ZNF227: variants seen among roughly 807,000 people sequenced by gnomAD.
ZNF227 encodes the protein zinc finger protein 227.
In ZNF227, 12 loss-of-function variants were observed where a neutral mutation model predicts 13.2. The observed-to-expected ratio is 0.91, with a 90% CI of 0.58 to 1.47. The LOEUF is 1.47. Among genes scored for constraint, ZNF227 ranks in the 40% most tolerant of loss-of-function variants. The pLI is 0.00. For synonymous variants in ZNF227, 338 were observed against 326.0 expected (o/e 1.04, Z -0.40); for missense variants, 885 against 967.5 (o/e 0.91, Z 1.13).
At chr19:44,226,889 C>T (rs773942881) in intron 3 of ZNF227, among the ~76,000 whole-genome samples, 25 of 152,248 alleles carry the variant, frequency 1.6e-4, no homozygotes, top group East Asian at 5.8e-4. Flanking sequence ...AGCTGTAGAC[C>T]GGAGCTGTTC....
At position 44,229,732 on chromosome 19, in the gene ZNF227, G is replaced by T; in HGVS notation, c.188-1G>T. On this transcript the variant is annotated splice_acceptor_variant, in intron 4 of 5. Coordinates refer to ENST00000313040, the MANE Select transcript of ZNF227 (RefSeq NM_182490.3). LOFTEE classifies it high-confidence loss of function. Reference sequence around the variant, plus strand: ...ATACATAAAAATCTACATTTTCATAGGGCATCTTCCCTTCCAACCAGATAT... The same window carrying T: ...ATACATAAAAATCTACATTTTCATATGGCATCTTCCCTTCCAACCAGATAT... The T allele has an allele frequency of 6.4e-7, 1 of 1,562,542 alleles. No individual in the cohort carries two copies. The highest frequency in any genetic ancestry group is 1.2e-5 in the South Asian group (1 of 83,438).
rs1301913408 is a variant in ZNF227, at chr19:44,213,226, T to C, written c.-21T>C. 6.6e-6 allele frequency: 1 copy of C among 152,208 alleles called. No homozygotes were observed. The highest frequency in any genetic ancestry group is 1.5e-5 in the Non-Finnish European group (1 of 68,038). 9.4% of individuals were successfully genotyped at this position (152,208 alleles called of 1,614,324 possible). A position where few individuals can be genotyped will look rare whatever the true frequency, so the allele number is the denominator to read the frequency against. On this transcript the variant is annotated 5_prime_UTR_variant, in exon 2 of 6. Transcript: ENST00000313040. ...AGGAGGAAGGAGGGACTTCTTGGCT[T>C]CTCCCAGCATAGCCCCAGGTACCTG...
Position 44,236,762 on chromosome 19 carries a change from G to A in ZNF227, c.2332G>A (p.Asp778Asn), listed in dbSNP as rs1356708656. The stretch of plus-strand genomic sequence containing the variant: ...AAAACCATACAAATGTGACATATGT[G>A]ATAAGGACTTCCGTCACCGTTCACG... ...GEKPYKCDIC[D>N]KDFRHRSRLT... The change falls in exon 6 of 6, where the codon GAT becomes AAT. Residue 778 changes from aspartate (D) to asparagine (N), a missense_variant. By Grantham distance (23) the Asp-to-Asn change is conservative. Coordinates refer to ENST00000313040, the MANE Select transcript of ZNF227 (RefSeq NM_182490.3). 6.2e-7 allele frequency: 1 copy of A among 1,613,176 alleles called. No homozygotes were observed. Among genetic ancestry groups the A allele is most frequent in the East Asian group, 2.2e-5 (1 of 44,876 alleles).
chr19:44,213,908 A>G (rs1971577006), intron 2 of ZNF227, among the ~76,000 whole-genome samples: 1 of 152,212 alleles, frequency 6.6e-6, no homozygotes, highest in Admixed American at 6.5e-5. Context: ...CATTATAGAG[A>G]TGCACTATCC....
In ZNF227 at chr19:44,217,822, G is replaced by A. The variant is rs1972054039; in HGVS notation, c.30G>A (p.Gln10=). 3.7e-6 allele frequency: 6 copies of A among 1,614,076 alleles called. No individual in the cohort carries two copies. Among genetic ancestry groups the A allele is most frequent in the Non-Finnish European group, 5.1e-6 (6 of 1,180,042 alleles). The stretch of plus-strand genomic sequence containing the variant: ...CATCTCAGAACTATGACCTTCCCCA[G>A]AAGAAGCAGGAGAAAATGACCAAGT... MPSQNYDLP[Q]KKQEKMTKFQ... is the part of the protein sequence containing the mutation. The change falls in exon 3 of 6, where the codon CAG becomes CAA. Residue 10 remains glutamine, a synonymous_variant. Coordinates refer to ENST00000313040, the MANE Select transcript of ZNF227 (RefSeq NM_182490.3).
At chr19:44,215,374 T>C (rs973600447) in intron 2 of ZNF227, among the ~76,000 whole-genome samples, 2 of 151,818 alleles carry the variant, frequency 1.3e-5, no homozygotes, top group Non-Finnish European at 1.5e-5. Context: ...CTCAGTACAG[T>C]ATATCTTTTT....
chr19:44,235,987 A>T lies in ZNF227; in HGVS notation c.1557A>T (p.Arg519=). Residue 519 remains arginine, a synonymous_variant, in exon 6 of 6, where the codon CGA becomes CGT. Transcript: ENST00000313040. ...VHQNVHTGEK[R]FKCETCGKGF... is the part of the protein sequence containing the mutation. ...AGAATGTCCACACTGGGGAGAAACG[A>T]TTCAAGTGTGAAACGTGTGGGAAGG... 6.2e-7 allele frequency: 1 copy of T among 1,613,440 alleles called. No homozygotes were observed. The highest frequency in any genetic ancestry group is 1.3e-5 in the African/African-American group (1 of 74,756).
chr19:44,218,784 C>G (rs563865424), intron 3 of ZNF227, among the ~76,000 whole-genome samples: 2 of 152,274 alleles, frequency 1.3e-5, no homozygotes, highest in South Asian at 4.2e-4. Context: ...CTGAAGCTTC[C>G]AACTATTAGG....
chr19:44,232,735 T>G (rs761133209), intron 5 of ZNF227, among the ~76,000 whole-genome samples: 28 of 152,150 alleles, frequency 1.8e-4, no homozygotes, highest in Middle Eastern at 3.4e-3. Context: ...TGGTGCAATC[T>G]TGGCTCACTG....
chr19:44,226,045 C>T (rs1029736592), intron 3 of ZNF227, among the ~76,000 whole-genome samples: 1 of 152,054 alleles, frequency 6.6e-6, no homozygotes. Context: ...ACCCTTTTTG[C>T]CTGGGTATCA....
In ZNF227 at chr19:44,235,273, C is replaced by T; in HGVS notation, c.843C>T (p.Ser281=). 6.2e-7 allele frequency: 1 copy of T among 1,614,052 alleles called. No homozygotes were observed. Residue 281 remains serine (S), a synonymous_variant, in exon 6 of 6, where the codon AGC becomes AGT. Coordinates refer to ENST00000313040, the MANE Select transcript of ZNF227 (RefSeq NM_182490.3). ...VHTGEKCFSQ[S]SHLRTHQRIH... is the part of the protein sequence containing the mutation. ...CAGGAGAAAAATGCTTCAGTCAAAG[C>T]TCACATCTGCGAACTCATCAGAGAA...
At chr19:44,208,236 A>C, upstream of ZNF227, among the ~76,000 whole-genome samples, 1 of 152,272 alleles carries the variant, frequency 6.6e-6, no homozygotes, top group East Asian at 1.9e-4. Context: ...AAGATTAATG[A>C]TTTTTCAATA....
chr19:44,237,026 T>C lies in ZNF227; in HGVS notation c.*196T>C, dbSNP rs1248441538. 1.2e-4 allele frequency: 60 copies of C among 520,842 alleles called. No homozygotes were observed. Among genetic ancestry groups the C allele is most frequent in the Admixed American group, 1.4e-4 (4 of 27,702 alleles). 32.3% of individuals were successfully genotyped at this position (520,842 alleles called of 1,614,324 possible). ...ATAGAACTCGTATTTAGGGGAGAAA[T>C]AGGGCTGGTGGCTCTCTTGGTAAGA... On this transcript the variant is annotated 3_prime_UTR_variant, in exon 6 of 6. Transcript: ENST00000313040.
chr19:44,225,859 G>C (rs1339578664), intron 3 of ZNF227, among the ~76,000 whole-genome samples: 1 of 152,134 alleles, frequency 6.6e-6, no homozygotes, highest in East Asian at 1.9e-4. Flanking sequence ...AGAGTTTCCA[G>C]TTTTTCTGCT....
intron 3 of ZNF227, among the ~76,000 whole-genome samples, chr19:44,220,660 A>C (rs1380143676): frequency 6.6e-6 from 1 of 151,896 alleles, no homozygotes; most frequent in Non-Finnish European, 1.5e-5. Flanking sequence ...CTTTTTTTTA[A>C]AATTTTATTA....
chr19:44,208,236 AT>A (rs1971256927), upstream of ZNF227, among the ~76,000 whole-genome samples: 1 of 152,272 alleles, frequency 6.6e-6, no homozygotes, highest in Admixed American at 6.5e-5. Context: ...AAGATTAATG[AT>A]TTTTCAATAA....
chr19:44,215,228 G>A (rs533270918), intron 2 of ZNF227, among the ~76,000 whole-genome samples: 33 of 149,262 alleles, frequency 2.2e-4, no homozygotes, highest in Non-Finnish European at 3.7e-4. Context: ...GTGCAGTGGC[G>A]CCATCTCGGT....
chr19:44,225,413 G>A (rs1014443354), intron 3 of ZNF227, among the ~76,000 whole-genome samples: 1 of 152,176 alleles, frequency 6.6e-6, no homozygotes, highest in Admixed American at 6.5e-5. Flanking sequence ...CCAATCAGAC[G>A]TAGATCTGGT....
At chr19:44,233,553 A>C (rs1413549198) in intron 5 of ZNF227, among the ~76,000 whole-genome samples, 1 of 152,114 alleles carries the variant, frequency 6.6e-6, no homozygotes, top group Non-Finnish European at 1.5e-5. Context: ...ATCAAATAAT[A>C]AGTACTGTGG....
Sources: allele counts gnomAD v4.1 joint callset (sites outside exome capture counted in the v4.1 genomes callset), GRCh38; gene constraint gnomAD v4.1.1; transcripts MANE v1.5; gene names NCBI Gene and HGNC (gene_info 2026-07-23, HGNC 2026-07-21).